Variants in GALNT13 observed in about 807,000 individuals in gnomAD.
The protein encoded by GALNT13 is polypeptide N-acetylgalactosaminyltransferase 13.
GALNT13 carries 28 observed loss-of-function variants against 64.2 expected under a neutral mutation model. The ratio of observed to expected loss-of-function variants is 0.44; its 90% CI spans 0.32 to 0.60. The LOEUF is 0.60. Among genes scored for constraint, GALNT13 ranks in the 20% least tolerant of loss-of-function variants. GALNT13 has a pLI of 0.05. For synonymous variants in GALNT13, 214 were observed against 224.6 expected (o/e 0.95, Z 0.42); for missense variants, 577 against 669.8 (o/e 0.86, Z 1.53).
chr2:153,387,619 A>T, the GALNT13 span, among the ~76,000 whole-genome samples: 4 of 152,120 alleles, frequency 2.6e-5, no homozygotes, highest in East Asian at 5.8e-4. Context: ...CCCTGGAGAC[A>T]TTCAGAGCTG....
chr2:153,227,273 C>T, the GALNT13 span, among the ~76,000 whole-genome samples: 1 of 152,104 alleles, frequency 6.6e-6, no homozygotes, highest in Non-Finnish European at 1.5e-5. Context: ...ACCTCCAGGT[C>T]GATGAATATG....
chr2:153,104,665 A>C, the GALNT13 span, among the ~76,000 whole-genome samples: 1 of 152,156 alleles, frequency 6.6e-6, no homozygotes, highest in Admixed American at 6.5e-5. Flanking sequence ...CAAAGTCTGA[A>C]GTATTTCCAT....
the GALNT13 span, among the ~76,000 whole-genome samples, chr2:153,408,529 A>G: frequency 6.6e-6 from 1 of 152,214 alleles, no homozygotes; most frequent in East Asian, 1.9e-4. Flanking sequence ...TTGGCAATCA[A>G]AAGGGACCCT....
the GALNT13 span, among the ~76,000 whole-genome samples, chr2:153,156,242 A>G: frequency 6.6e-6 from 1 of 152,206 alleles, no homozygotes; most frequent in Non-Finnish European, 1.5e-5. Context: ...ATAGATATTC[A>G]TAAGGTTCAG....
At chr2:154,380,471 A>G (rs1698213793) in intron 9 of GALNT13, among the ~76,000 whole-genome samples, 1 of 152,106 alleles carries the variant, frequency 6.6e-6, no homozygotes, top group Admixed American at 6.6e-5. Context: ...AACTCTTAAA[A>G]TATTTTTAAT....
the GALNT13 span, among the ~76,000 whole-genome samples, chr2:153,669,484 A>G: frequency 4.6e-5 from 7 of 152,218 alleles, no homozygotes; most frequent in Admixed American, 2.0e-4. Context: ...AAACCTGCAC[A>G]TGTATCCTTA....
intron 9 of GALNT13, among the ~76,000 whole-genome samples, chr2:154,378,587 T>C (rs1003794191): frequency 6.6e-6 from 1 of 152,152 alleles, no homozygotes; most frequent in Non-Finnish European, 1.5e-5. Context: ...CTTACAAAAG[T>C]ATGTAACAAA....
chr2:153,604,507 G>A, the GALNT13 span, among the ~76,000 whole-genome samples: 4 of 151,982 alleles, frequency 2.6e-5, no homozygotes, highest in African/African-American at 9.6e-5. Flanking sequence ...TTATCATTAA[G>A]GTTTCAACTA....
chr2:153,970,412 ATCCT>A (rs987728007), intron 3 of GALNT13, among the ~76,000 whole-genome samples: 1 of 152,132 alleles, frequency 6.6e-6, no homozygotes, highest in Non-Finnish European at 1.5e-5. Flanking sequence ...TCTTCACAAT[ATCCT>A]TTGCAGGTTC....
chr2:153,983,142 A>G (rs1694582022), intron 3 of GALNT13, among the ~76,000 whole-genome samples: 1 of 151,910 alleles, frequency 6.6e-6, no homozygotes, highest in Non-Finnish European at 1.5e-5. Context: ...TTTGATGTGA[A>G]CAGCAAGTAG....
At chr2:153,666,997 T>A in the GALNT13 span, among the ~76,000 whole-genome samples, 1 of 152,016 alleles carries the variant, frequency 6.6e-6, no homozygotes, top group African/African-American at 2.4e-5. Context: ...TATAATACAA[T>A]TAGTATTAAT....
the GALNT13 span, among the ~76,000 whole-genome samples, chr2:153,277,927 C>CTTTTTTT: frequency 6.6e-4 from 53 of 80,096 alleles, 8 homozygotes; most frequent in African/African-American, 1.9e-3. Context: ...TCTTTTCTTT[C>CTTTTTTT]TTTTTTTTTT....
the GALNT13 span, among the ~76,000 whole-genome samples, chr2:153,799,950 A>G: frequency 6.6e-6 from 1 of 151,936 alleles, no homozygotes; most frequent in Non-Finnish European, 1.5e-5. Flanking sequence ...GCCATTTGTT[A>G]CAGTAGCATT....
At chr2:154,390,955 A>G (rs181636549) in intron 9 of GALNT13, among the ~76,000 whole-genome samples, 3 of 152,330 alleles carry the variant, frequency 2.0e-5, no homozygotes, top group African/African-American at 4.8e-5. Context: ...GTTCACAGAT[A>G]TATCCCAAGT....
intron 8 of GALNT13, among the ~76,000 whole-genome samples, chr2:154,271,674 C>T (rs1006009017): frequency 6.6e-6 from 1 of 151,680 alleles, no homozygotes; most frequent in African/African-American, 2.4e-5. Context: ...ATTGGTAAAC[C>T]AACAAAAATA....
chr2:153,698,715 A>C, the GALNT13 span, among the ~76,000 whole-genome samples: 1 of 152,198 alleles, frequency 6.6e-6, no homozygotes, highest in Admixed American at 6.5e-5. Flanking sequence ...CAAGACTTGA[A>C]CTCAGCTCTG....
chr2:153,662,918 CAG>C, the GALNT13 span, among the ~76,000 whole-genome samples: 1 of 152,160 alleles, frequency 6.6e-6, no homozygotes, highest in Non-Finnish European at 1.5e-5. Flanking sequence ...ATCTATTCCT[CAG>C]AGTTAGACAA....
chr2:154,444,747 A>C (rs572171423), intron 12 of GALNT13, among the ~76,000 whole-genome samples: 1 of 152,132 alleles, frequency 6.6e-6, no homozygotes, highest in African/African-American at 2.4e-5. Flanking sequence ...CTGAATATCA[A>C]TATATTGATC....
chr2:153,101,659 T>C, the GALNT13 span, among the ~76,000 whole-genome samples: 2 of 152,360 alleles, frequency 1.3e-5, no homozygotes, highest in African/African-American at 4.8e-5. Context: ...TAAAAAGTTC[T>C]TCAAAATTGA....
Sources: gnomAD v4.1 joint callset for allele counts (sites outside exome capture counted in the v4.1 genomes callset) on GRCh38, gnomAD v4.1.1 for gene constraint, MANE v1.5 for transcripts, NCBI Gene and HGNC (gene_info 2026-07-23, HGNC 2026-07-21) for gene names.